AGBL4: variants seen among roughly 807,000 people sequenced by gnomAD.
The protein encoded by AGBL4 is AGBL carboxypeptidase 4.
In AGBL4, 58 loss-of-function variants were observed where a neutral mutation model predicts 66.4. The observed-to-expected ratio is 0.87, with a 90% CI of 0.71 to 1.09. The LOEUF (loss-of-function observed/expected upper bound fraction) is 1.09, where lower values mean the gene tolerates loss of function less well. AGBL4 is among the 50% of genes least tolerant of loss of function. The pLI is 0.00. For synonymous variants in AGBL4, 234 were observed against 222.9 expected (o/e 1.05, Z -0.44); for missense variants, 579 against 631.0 (o/e 0.92, Z 0.88).
intron 5 of AGBL4, among the ~76,000 whole-genome samples, chr1:48,983,323 G>A (rs1659925546): frequency 6.6e-6 from 1 of 152,136 alleles, no homozygotes; most frequent in South Asian, 2.1e-4. Flanking sequence ...AGAATAGTCT[G>A]TTCTGTCAGG....
chr1:49,228,517 T>C (rs1442502986), intron 4 of AGBL4, among the ~76,000 whole-genome samples: 1 of 152,124 alleles, frequency 6.6e-6, no homozygotes. Context: ...AGGGAATTGC[T>C]ATGTGAATAT....
intron 4 of AGBL4, among the ~76,000 whole-genome samples, chr1:49,067,191 T>A (rs971516841): frequency 6.6e-6 from 1 of 152,080 alleles, no homozygotes; most frequent in Non-Finnish European, 1.5e-5. Flanking sequence ...GAGGAATAGA[T>A]GATTAAGAGC....
At chr1:49,225,689 T>C (rs1340250190) in intron 4 of AGBL4, among the ~76,000 whole-genome samples, 8 of 152,206 alleles carry the variant, frequency 5.3e-5, no homozygotes, top group Non-Finnish European at 1.0e-4. Context: ...AGGCAAACTC[T>C]GGTGTGGGCC....
At chr1:49,189,186 T>C (rs984738209) in intron 4 of AGBL4, among the ~76,000 whole-genome samples, 63 of 152,194 alleles carry the variant, frequency 4.1e-4, no homozygotes, top group African/African-American at 1.5e-3. Flanking sequence ...GAGCAAACCA[T>C]AGTCTGGCAA....
intron 3 of AGBL4, among the ~76,000 whole-genome samples, chr1:49,470,628 C>T (rs1019808624): frequency 6.6e-6 from 1 of 152,034 alleles, no homozygotes; most frequent in Admixed American, 6.6e-5. Context: ...ATGCCCACCA[C>T]TATGCCCTGT....
At chr1:49,827,630 G>A (rs963230134) in intron 2 of AGBL4, among the ~76,000 whole-genome samples, 3 of 152,172 alleles carry the variant, frequency 2.0e-5, no homozygotes, top group African/African-American at 7.2e-5. Flanking sequence ...TGTGTTTGTT[G>A]TACATTGCTA....
chr1:49,267,844 A>G (rs971616673), intron 3 of AGBL4, among the ~76,000 whole-genome samples: 1 of 152,022 alleles, frequency 6.6e-6, no homozygotes, highest in African/African-American at 2.4e-5. Context: ...GAAAGGGGAA[A>G]TCTCTTATAA....
intron 1 of AGBL4, among the ~76,000 whole-genome samples, chr1:49,885,185 A>G (rs982057859): frequency 6.6e-6 from 1 of 152,014 alleles, no homozygotes; most frequent in East Asian, 1.9e-4. Context: ...ACCTCTATGT[A>G]TAAGTGACAT....
At chr1:48,781,766 A>C (rs1335871402) in intron 6 of AGBL4, among the ~76,000 whole-genome samples, 1 of 152,214 alleles carries the variant, frequency 6.6e-6, no homozygotes, top group African/African-American at 2.4e-5. Flanking sequence ...TACTAGGTTC[A>C]CCAAGACTCT....
chr1:49,078,476 A>C (rs1425756837), intron 4 of AGBL4, among the ~76,000 whole-genome samples: 1 of 152,148 alleles, frequency 6.6e-6, no homozygotes, highest in East Asian at 1.9e-4. Context: ...CTGAATCTAG[A>C]AACCTAGTAG....
At position 49,488,714 on chromosome 1, in the gene AGBL4, G is replaced by A. The variant is rs1055811592; in HGVS notation, c.282+208599C>T. 4.6e-5 allele frequency among the ~76,000 whole-genome samples: 7 copies of A among 151,234 alleles called. 1 individual carries two copies. The highest frequency in any genetic ancestry group is 1.0e-4 in the Non-Finnish European group (7 of 67,750). Reference sequence around the variant, plus strand: ...CCCCTCCCACTATCCTTCTTTTCCTGTGGTTATCTTCTGTCTACTCTCCAT... The same window carrying A: ...CCCCTCCCACTATCCTTCTTTTCCTATGGTTATCTTCTGTCTACTCTCCAT... On this transcript the variant is annotated intron_variant, in intron 3 of 13. Transcript: ENST00000371839.
intron 6 of AGBL4, among the ~76,000 whole-genome samples, chr1:48,840,621 G>T (rs988057465): frequency 1.3e-5 from 2 of 152,110 alleles, no homozygotes; most frequent in Non-Finnish European, 2.9e-5. Flanking sequence ...AAAAAAGACT[G>T]ACAATTCCAA....
chr1:48,572,824 C>A (rs1644588872), intron 11 of AGBL4, among the ~76,000 whole-genome samples: 1 of 152,186 alleles, frequency 6.6e-6, no homozygotes. Flanking sequence ...CAGCCATGCA[C>A]CCTGGGGGCC....
At chr1:49,685,912 T>C (rs1182687118) in intron 3 of AGBL4, among the ~76,000 whole-genome samples, 3 of 152,230 alleles carry the variant, frequency 2.0e-5, no homozygotes, top group African/African-American at 7.2e-5. Context: ...TAGGTCCCAT[T>C]TGTCAATTTT....
chr1:49,314,594 T>C (rs891526209), intron 3 of AGBL4, among the ~76,000 whole-genome samples: 3 of 152,140 alleles, frequency 2.0e-5, no homozygotes, highest in Admixed American at 2.0e-4. Flanking sequence ...TATTCCATGG[T>C]GTATATGTGC....
intron 1 of AGBL4, among the ~76,000 whole-genome samples, chr1:49,992,937 T>G (rs1203363882): frequency 6.6e-6 from 1 of 152,216 alleles, no homozygotes; most frequent in Non-Finnish European, 1.5e-5. Context: ...CGTTTTCTTT[T>G]TTACCATTGG....
chr1:49,102,493 T>C (rs1258090539), intron 4 of AGBL4, among the ~76,000 whole-genome samples: 1 of 152,196 alleles, frequency 6.6e-6, no homozygotes, highest in African/African-American at 2.4e-5. Flanking sequence ...GAAAATACCA[T>C]ATTTTGTCTG....
intron 5 of AGBL4, among the ~76,000 whole-genome samples, chr1:48,886,443 G>A (rs191537331): frequency 3.2e-4 from 48 of 152,310 alleles, no homozygotes; most frequent in African/African-American, 1.1e-3. Flanking sequence ...TTCTTTAAGT[G>A]TTCAAGTGTA....
chr1:49,141,322 G>T (rs901551970), intron 4 of AGBL4, among the ~76,000 whole-genome samples: 1 of 151,900 alleles, frequency 6.6e-6, no homozygotes, highest in African/African-American at 2.4e-5. Context: ...CAAAGTCTAG[G>T]TGTAAATCAG....
Sources: gnomAD v4.1 joint callset for allele counts (sites outside exome capture counted in the v4.1 genomes callset) on GRCh38, gnomAD v4.1.1 for gene constraint, MANE v1.5 for transcripts, NCBI Gene and HGNC (gene_info 2026-07-23, HGNC 2026-07-21) for gene names.